Variants in UVRAG observed in about 807,000 individuals in gnomAD.
The protein encoded by UVRAG is UV radiation resistance associated.
A neutral mutation model predicts 78.0 loss-of-function variants in UVRAG; 19 were observed. That is an observed-to-expected ratio of 0.24 (90% CI 0.17 to 0.36). UVRAG has a LOEUF of 0.36. UVRAG is among the 10% of genes least tolerant of loss of function. The pLI is 1.00. For synonymous variants in UVRAG, 323 were observed against 324.6 expected, an observed-to-expected ratio of 1.00 and a Z score of 0.05; for missense variants, 740 against 853.8, an observed-to-expected ratio of 0.87 and a Z score of 1.66.
chr11:76,128,817 T>C (rs1952461548), intron 14 of UVRAG, among the ~76,000 whole-genome samples: 1 of 152,164 alleles, frequency 6.6e-6, no homozygotes, highest in South Asian at 2.1e-4. Context: ...TTAGATATAA[T>C]TCCCTGTGTT....
chr11:75,847,317 G>A (rs946510197), intron 1 of UVRAG, among the ~76,000 whole-genome samples: 4 of 131,652 alleles, frequency 3.0e-5, no homozygotes, highest in Middle Eastern at 3.3e-3. Flanking sequence ...TAGTAGAGAC[G>A]GGTTTCACCA....
At chr11:75,831,420 G>A (rs898419718) in intron 1 of UVRAG, among the ~76,000 whole-genome samples, 4 of 152,026 alleles carry the variant, frequency 2.6e-5, no homozygotes, top group Admixed American at 6.6e-5. Flanking sequence ...CCCGGGAGGC[G>A]GAGATTGCAG....
intron 7 of UVRAG, among the ~76,000 whole-genome samples, chr11:75,967,631 A>T (rs372248350): frequency 2.0e-5 from 3 of 152,224 alleles, no homozygotes; most frequent in African/African-American, 7.2e-5. Context: ...ATTCAGTAAT[A>T]CATTTTTATG....
chr11:75,826,528 TGGA>T (rs964854438), intron 1 of UVRAG, among the ~76,000 whole-genome samples: 70 of 152,290 alleles, frequency 4.6e-4, no homozygotes, highest in African/African-American at 1.6e-3. Context: ...AGAACTGAAA[TGGA>T]GGAGAGGCTG....
intron 6 of UVRAG, among the ~76,000 whole-genome samples, chr11:75,915,955 T>G (rs1403109603): frequency 6.6e-6 from 1 of 152,254 alleles, no homozygotes; most frequent in Admixed American, 6.5e-5. Context: ...TTTCTTAATG[T>G]GTCTAATCAT....
In UVRAG at chr11:75,968,385, G is replaced by A. The variant is rs115987765; in HGVS notation, c.699+6836G>A. On this transcript the variant is annotated intron_variant, in intron 7 of 14. Coordinates refer to ENST00000356136, the MANE Select transcript of UVRAG (RefSeq NM_003369.4). ...AATAGAACACTGAAACTCATTAGAA[G>A]ATTATGGAACATTAAGATCTTTGAG... is the stretch of plus-strand genomic sequence containing the variant. Among the ~76,000 whole-genome samples the A allele has an allele frequency of 2.8e-3, 422 of 152,254 alleles. 4 individuals are homozygous for A. The highest frequency in any genetic ancestry group is 9.5e-3 in the African/African-American group (394 of 41,560).
intron 4 of UVRAG, among the ~76,000 whole-genome samples, chr11:75,886,034 A>G (rs1947070267): frequency 6.6e-6 from 1 of 152,136 alleles, no homozygotes; most frequent in Non-Finnish European, 1.5e-5. Context: ...AACATTGATA[A>G]ACTACTATAT....
intron 6 of UVRAG, among the ~76,000 whole-genome samples, chr11:75,937,913 C>G (rs538380327): frequency 1.2e-4 from 18 of 152,136 alleles, no homozygotes; most frequent in African/African-American, 4.1e-4. Flanking sequence ...CACACTGATG[C>G]CTTTTATTTT....
At chr11:75,836,906 C>T (rs1265601186) in intron 1 of UVRAG, among the ~76,000 whole-genome samples, 1 of 152,110 alleles carries the variant, frequency 6.6e-6, no homozygotes, top group Non-Finnish European at 1.5e-5. Flanking sequence ...TGCCCTAGAA[C>T]TAGCTTTTAT....
At chr11:75,933,646 A>G (rs2014468439) in intron 6 of UVRAG, among the ~76,000 whole-genome samples, 2 of 152,196 alleles carry the variant, frequency 1.3e-5, no homozygotes, top group African/African-American at 2.4e-5. Context: ...AGCTCAAACA[A>G]CTCTGGGAAT....
chr11:75,930,986 T>TCTTTCTTC (rs1262387120), intron 6 of UVRAG: 2 of 151,464 alleles, frequency 1.3e-5, no homozygotes, highest in Non-Finnish European at 2.9e-5. Flanking sequence ...TTTCTTTCTT[T>TCTTTCTTC]CCATTTTTAA....
intron 7 of UVRAG, among the ~76,000 whole-genome samples, chr11:75,978,417 C>T (rs984850371): frequency 1.3e-5 from 2 of 152,168 alleles, no homozygotes; most frequent in Admixed American, 1.3e-4. Flanking sequence ...GCTGGCCTGC[C>T]TTGCTAGGTT....
chr11:75,917,430 A>G (rs1947880974), intron 6 of UVRAG, among the ~76,000 whole-genome samples: 1 of 152,180 alleles, frequency 6.6e-6, no homozygotes, highest in South Asian at 2.1e-4. Context: ...TTCTTGGTTA[A>G]TTGTTGGAGT....
intron 7 of UVRAG, among the ~76,000 whole-genome samples, chr11:75,974,569 T>C (rs1335016012): frequency 6.6e-6 from 1 of 151,644 alleles, no homozygotes; most frequent in Non-Finnish European, 1.5e-5. Flanking sequence ...GGTTTCACCT[T>C]GTTAGCCAGG....
chr11:75,928,388 T>C (rs2135094165), intron 6 of UVRAG, among the ~76,000 whole-genome samples: 1 of 152,270 alleles, frequency 6.6e-6, no homozygotes, highest in East Asian at 1.9e-4. Context: ...GGACGGCTAA[T>C]GAGGTTGTGG....
At chr11:75,960,430 A>C (rs952477172) in intron 6 of UVRAG, among the ~76,000 whole-genome samples, 1 of 152,120 alleles carries the variant, frequency 6.6e-6, no homozygotes, top group East Asian at 1.9e-4. Context: ...AGACAGTTTG[A>C]CCATTTGGTA....
intron 12 of UVRAG, among the ~76,000 whole-genome samples, chr11:76,028,361 T>A (rs983543694): frequency 4.6e-5 from 7 of 152,094 alleles, no homozygotes; most frequent in African/African-American, 1.7e-4. Context: ...AGCCCTATAA[T>A]GGCCTCTAAG....
chr11:75,902,345 C>T (rs993723106), intron 5 of UVRAG, among the ~76,000 whole-genome samples: 6 of 152,114 alleles, frequency 3.9e-5, no homozygotes, highest in African/African-American at 9.7e-5. Context: ...TCATAAGGAA[C>T]GCACAACCTA....
intron 5 of UVRAG, among the ~76,000 whole-genome samples, chr11:75,906,312 C>T (rs547638623): frequency 6.6e-6 from 1 of 151,626 alleles, no homozygotes; most frequent in Non-Finnish European, 1.5e-5. Flanking sequence ...TCTAATAGTT[C>T]TATAGGTTTT....
Sources: allele counts gnomAD v4.1 joint callset (sites outside exome capture counted in the v4.1 genomes callset), GRCh38; gene constraint gnomAD v4.1.1; transcripts MANE v1.5; gene names NCBI Gene and HGNC (gene_info 2026-07-23, HGNC 2026-07-21).